The following FGF12 variants were observed in gnomAD, a reference collection of about 807,000 sequenced individuals.
The protein encoded by FGF12 is fibroblast growth factor 12B.
In FGF12, 14 loss-of-function variants were observed where a neutral mutation model predicts 23.6. That is an observed-to-expected ratio of 0.59 (90% CI 0.39 to 0.93). The LOEUF (loss-of-function observed/expected upper bound fraction) is 0.93, where lower values mean the gene tolerates loss of function less well. FGF12 is among the 40% of genes least tolerant of loss of function. The pLI is 0.00. For synonymous variants in FGF12, 62 were observed against 77.3 expected (o/e 0.80, Z 1.04); for missense variants, 175 against 217.8 (o/e 0.80, Z 1.24).
At chr3:192,364,935 A>G (rs1226347492) in intron 2 of FGF12, among the ~76,000 whole-genome samples, 4 of 152,168 alleles carry the variant, frequency 2.6e-5, no homozygotes, top group African/African-American at 4.8e-5. Context: ...ATTATAAAAC[A>G]TGCTGATAGT....
At chr3:192,714,403 G>A (rs903740297) in intron 2 of FGF12, among the ~76,000 whole-genome samples, 4 of 151,854 alleles carry the variant, frequency 2.6e-5, no homozygotes, top group African/African-American at 9.7e-5. Context: ...AAGCATAGAT[G>A]AGTTTGAGAA....
In FGF12 at chr3:192,408,117, T is replaced by A. The variant is rs758831437; in HGVS notation, c.14-47579A>T. ...GTGCCTCTCGCACAGGGAGCGCCCG[T>A]CTTTGCTGGGGCTGGAGCGGCGCTT... is the stretch of plus-strand genomic sequence containing the variant. On this transcript the variant is annotated intron_variant, in intron 2 of 5. Transcript: ENST00000445105. The surrounding 1 kb of genome is among the most constrained non-coding windows in gnomAD (Gnocchi z 7.3). The A allele has an allele frequency of 7.4e-6, 12 of 1,612,978 alleles. No individual in the cohort carries two copies. In the African/African-American group the frequency reaches 1.5e-4, roughly 20 times the overall value.
intron 4 of FGF12, among the ~76,000 whole-genome samples, chr3:192,267,780 A>C (rs1713172370): frequency 6.6e-6 from 1 of 152,240 alleles, no homozygotes; most frequent in African/African-American, 2.4e-5. Context: ...CCAATGTTAA[A>C]AATTTTATAG....
At chr3:192,200,207 T>C (rs1376024704) in intron 4 of FGF12, among the ~76,000 whole-genome samples, 1 of 151,314 alleles carries the variant, frequency 6.6e-6, no homozygotes, top group Non-Finnish European at 1.5e-5. Context: ...CGTGCTCCTG[T>C]AGTCCCAGCT....
At chr3:192,541,298 A>C (rs1725358195) in intron 2 of FGF12, among the ~76,000 whole-genome samples, 2 of 152,114 alleles carry the variant, frequency 1.3e-5, no homozygotes, top group Non-Finnish European at 2.9e-5. Context: ...TGTTTGTTGT[A>C]TATTTTCTGA....
At chr3:192,715,725 C>A (rs767274578) in intron 2 of FGF12, among the ~76,000 whole-genome samples, 35 of 152,224 alleles carry the variant, frequency 2.3e-4, no homozygotes, top group Non-Finnish European at 3.5e-4. Context: ...GTATTGCCAG[C>A]TGTCAGTTCT....
At chr3:192,468,745 G>A (rs542921762) in intron 2 of FGF12, among the ~76,000 whole-genome samples, 3 of 150,548 alleles carry the variant, frequency 2.0e-5, no homozygotes, top group Non-Finnish European at 4.4e-5. Flanking sequence ...AGGAGACTCC[G>A]AGCCTCTACA....
At chr3:192,391,555 ATT>A (rs1361598353) in intron 2 of FGF12, among the ~76,000 whole-genome samples, 1 of 152,160 alleles carries the variant, frequency 6.6e-6, no homozygotes, top group Admixed American at 6.5e-5. Flanking sequence ...GACTGAAGGT[ATT>A]TTACTCTGGG....
chr3:192,543,304 G>A (rs112462139), intron 2 of FGF12, among the ~76,000 whole-genome samples: 3 of 152,086 alleles, frequency 2.0e-5, no homozygotes, highest in African/African-American at 2.4e-5. Flanking sequence ...GACCCATGGC[G>A]AGTACTGCCT....
At position 192,409,628 on chromosome 3, in the gene FGF12, G is replaced by A. The variant is rs1721119411; in HGVS notation, c.14-49090C>T. ...GCGCGCTGCGAATACCCGCGCGTCC[G>A]CTCGGGTGGGGCGGGGGCTGGCTGC... On this transcript the variant is annotated intron_variant, in intron 2 of 5. Transcript: ENST00000445105. The surrounding 1 kb of genome is among the most constrained non-coding windows in gnomAD (Gnocchi z 4.8). 1.3e-5 allele frequency among the ~76,000 whole-genome samples: 2 copies of A among 152,314 alleles called. No individual in the cohort carries two copies. Among genetic ancestry groups the A allele is most frequent in the Non-Finnish European group, 2.9e-5 (2 of 68,020 alleles).
chr3:192,487,199 G>C (rs968237558), intron 2 of FGF12, among the ~76,000 whole-genome samples: 1 of 151,918 alleles, frequency 6.6e-6, no homozygotes, highest in Non-Finnish European at 1.5e-5. Flanking sequence ...CTTACTTGTT[G>C]GCTACAGCTA....
At chr3:192,227,475 C>A (rs1395584753) in intron 4 of FGF12, among the ~76,000 whole-genome samples, 2 of 151,426 alleles carry the variant, frequency 1.3e-5, no homozygotes, top group East Asian at 3.9e-4. Flanking sequence ...CTCATATTTC[C>A]CTTTATCTGA....
At chr3:192,329,675 T>C (rs1159465387) in intron 4 of FGF12, among the ~76,000 whole-genome samples, 1 of 152,178 alleles carries the variant, frequency 6.6e-6, no homozygotes, top group South Asian at 2.1e-4. Flanking sequence ...CTGTGATCAT[T>C]TGAGAAAATT....
In FGF12 at chr3:192,687,414, C is replaced by T. The variant is rs138971153; in HGVS notation, c.13+39767G>A. On this transcript the variant is annotated intron_variant, in intron 2 of 5. Coordinates refer to ENST00000445105, the MANE Select transcript of FGF12 (RefSeq NM_004113.6). The stretch of plus-strand genomic sequence containing the variant: ...GCCAATGACCACAAATGGGTTAAGG[C>T]TCATAAGACCCAGGCAGAACTTTGA... Among the ~76,000 whole-genome samples, 77 of 152,146 alleles carry T rather than the reference C, an allele frequency of 5.1e-4. 1 individual carries two copies. The East Asian group carries it at 0.014, about 27-fold the overall frequency.
At chr3:192,623,811 A>AT (rs1474461696) in intron 2 of FGF12, among the ~76,000 whole-genome samples, 1 of 152,220 alleles carries the variant, frequency 6.6e-6, no homozygotes, top group East Asian at 1.9e-4. Context: ...TCCCTGTTGG[A>AT]TTTTTTCATG....
intron 2 of FGF12, among the ~76,000 whole-genome samples, chr3:192,641,166 C>T (rs1715788357): frequency 1.5e-5 from 1 of 64,572 alleles, no homozygotes; most frequent in Non-Finnish European, 3.0e-5. Flanking sequence ...AGTGCAGTGG[C>T]GGGATCTCGG....
intron 2 of FGF12, among the ~76,000 whole-genome samples, chr3:192,671,756 G>A (rs952959895): frequency 6.7e-5 from 10 of 150,034 alleles, no homozygotes; most frequent in African/African-American, 2.5e-4. Context: ...ATTCAATAAA[G>A]CATCTTGTGC....
Position 192,614,978 on chromosome 3 carries a change from T to C in FGF12, c.13+112203A>G, listed in dbSNP as rs1157018984. 3.9e-5 allele frequency among the ~76,000 whole-genome samples: 6 copies of C among 152,030 alleles called. No individual in the cohort carries two copies. The South Asian group carries it at 1.2e-3, about 32-fold the overall frequency. Reference sequence around the variant, plus strand: ...TCTAAGAATTTTGATGAAAATAAAATCATCTTGACCAGATCTATTTAATAC... The same window carrying C: ...TCTAAGAATTTTGATGAAAATAAAACCATCTTGACCAGATCTATTTAATAC... On this transcript the variant is annotated intron_variant, in intron 2 of 5. Coordinates refer to ENST00000445105, the MANE Select transcript of FGF12 (RefSeq NM_004113.6).
At chr3:192,345,187 G>A (rs1398269332) in intron 3 of FGF12, among the ~76,000 whole-genome samples, 1 of 152,134 alleles carries the variant, frequency 6.6e-6, no homozygotes, top group East Asian at 1.9e-4. Flanking sequence ...GTGGTAGAAA[G>A]GACAGAGATG....
Sources: gnomAD v4.1 joint callset for allele counts (sites outside exome capture counted in the v4.1 genomes callset) on GRCh38, gnomAD v4.1.1 for gene constraint, Gnocchi (gnomAD v3.1) non-coding constraint, MANE v1.5 for transcripts, NCBI Gene and HGNC (gene_info 2026-07-23, HGNC 2026-07-21) for gene names.